METTL16: variants seen among roughly 807,000 people sequenced by gnomAD.
METTL16 encodes the protein RNA N(6)-adenosine-methyltransferase METTL16.
Under a neutral mutation model 57.9 loss-of-function variants are expected in METTL16, and 19 were observed. That is an observed-to-expected ratio of 0.33 (90% CI 0.23 to 0.48). METTL16 has a LOEUF of 0.48. Among genes scored for constraint, METTL16 ranks in the 20% least tolerant of loss-of-function variants. The pLI is 0.99. For synonymous variants in METTL16, 246 were observed against 255.6 expected (o/e 0.96, Z 0.36); for missense variants, 434 against 691.5 (o/e 0.63, Z 4.18).
intron 3 of METTL16, among the ~76,000 whole-genome samples, chr17:2,474,904 C>G (rs1477308290): frequency 7.5e-6 from 1 of 133,278 alleles, no homozygotes; most frequent in Non-Finnish European, 1.5e-5. Flanking sequence ...TAGGTGACAT[C>G]AAGTCTCTCT....
intron 2 of METTL16, among the ~76,000 whole-genome samples, chr17:2,491,631 G>A (rs544533272): frequency 6.6e-6 from 1 of 151,272 alleles, no homozygotes; most frequent in Non-Finnish European, 1.5e-5. Context: ...ATGTCAGCAC[G>A]TTGGGAGGCC....
Position 2,418,436 on chromosome 17 carries a change from C to T in METTL16, c.*1534G>A, listed in dbSNP as rs1567877128. 1 of 152,176 alleles carries T rather than the reference C, an allele frequency of 6.6e-6. No homozygotes were observed. The highest frequency in any genetic ancestry group is 1.5e-5 in the Non-Finnish European group (1 of 68,064). 9.4% of individuals were successfully genotyped at this position (152,176 alleles called of 1,614,324 possible). ...TGAAATCCCATCTCTACCAAAAACACAAAATTAGCCAGGCGTGGTGGCGCG... is the reference window on the plus strand; with the variant it reads ...TGAAATCCCATCTCTACCAAAAACATAAAATTAGCCAGGCGTGGTGGCGCG... On this transcript the variant is annotated 3_prime_UTR_variant, in exon 10 of 10. Transcript: ENST00000263092.
At chr17:2,500,755 C>T (rs1244862842) in intron 2 of METTL16, among the ~76,000 whole-genome samples, 1 of 152,154 alleles carries the variant, frequency 6.6e-6, no homozygotes, top group African/African-American at 2.4e-5. Flanking sequence ...AAAGACACAT[C>T]AGTCATTCCC....
chr17:2,500,578 G>C (rs570773041), intron 2 of METTL16, among the ~76,000 whole-genome samples: 1 of 151,936 alleles, frequency 6.6e-6, no homozygotes, highest in African/African-American at 2.4e-5. Context: ...CACCGCGCCC[G>C]GCCACTATTA....
At chr17:2,422,344 A>T (rs2066772537) in intron 8 of METTL16, among the ~76,000 whole-genome samples, 1 of 151,204 alleles carries the variant, frequency 6.6e-6, no homozygotes, top group Non-Finnish European at 1.5e-5. Flanking sequence ...TTAGAAAAAA[A>T]AAAAAACAAA....
chr17:2,440,876 G>T (rs1402637070), intron 7 of METTL16, among the ~76,000 whole-genome samples: 4 of 149,444 alleles, frequency 2.7e-5, no homozygotes, highest in African/African-American at 9.9e-5. Flanking sequence ...GGAGGCTGAG[G>T]TAGGAGGATG....
chr17:2,494,803 T>A (rs4490040), intron 2 of METTL16, among the ~76,000 whole-genome samples: 87,780 of 151,532 alleles, frequency 0.58, 28,412 homozygotes, highest in Non-Finnish European at 0.74. Context: ...ATCGAGACCA[T>A]CCTGGCCAAC....
chr17:2,508,821 T>C (rs2151583073), intron 1 of METTL16, among the ~76,000 whole-genome samples: 2 of 152,296 alleles, frequency 1.3e-5, no homozygotes, highest in South Asian at 4.1e-4. Flanking sequence ...AAGGCAGGCA[T>C]AATCCAGGCC....
chr17:2,451,674 C>T (rs1043271651), intron 6 of METTL16, among the ~76,000 whole-genome samples: 2 of 150,634 alleles, frequency 1.3e-5, no homozygotes, highest in Non-Finnish European at 3.0e-5. Flanking sequence ...GATTCATTAA[C>T]CAGGAATTTA....
chr17:2,503,942 T>C (rs2067510870), intron 1 of METTL16, among the ~76,000 whole-genome samples: 1 of 151,866 alleles, frequency 6.6e-6, no homozygotes, highest in East Asian at 1.9e-4. Context: ...GATATACCCA[T>C]ACAATACATA....
intron 2 of METTL16, among the ~76,000 whole-genome samples, chr17:2,492,080 G>A (rs369919913): frequency 1.9e-4 from 28 of 151,048 alleles, no homozygotes; most frequent in Admixed American, 3.3e-4. Context: ...GCGTGGTGGC[G>A]GGTGCCTGTA....
At chr17:2,484,945 C>A (rs541485759) in intron 2 of METTL16, among the ~76,000 whole-genome samples, 155 of 152,252 alleles carry the variant, frequency 1.0e-3, no homozygotes, top group Non-Finnish European at 1.5e-3. Context: ...TAACTGCAAG[C>A]CTTATACAAT....
At chr17:2,507,962 C>G (rs1475780044) in intron 1 of METTL16, among the ~76,000 whole-genome samples, 1 of 152,164 alleles carries the variant, frequency 6.6e-6, no homozygotes, top group Non-Finnish European at 1.5e-5. Context: ...ACTCCCTAAT[C>G]TCAAGTACCC....
intron 8 of METTL16, chr17:2,424,304 G>A (rs542094318): frequency 5.3e-5 from 8 of 150,786 alleles, no homozygotes; most frequent in Admixed American, 2.0e-4. Context: ...TAGTAGAGAC[G>A]GGGTTTCACC....
chr17:2,496,430 C>T (rs184671428), intron 2 of METTL16, among the ~76,000 whole-genome samples: 1 of 151,646 alleles, frequency 6.6e-6, no homozygotes, highest in Admixed American at 6.6e-5. Context: ...TCCCAAGTAG[C>T]TGGGATTACA....
chr17:2,498,934 C>T (rs1245611626), intron 2 of METTL16, among the ~76,000 whole-genome samples: 1 of 151,624 alleles, frequency 6.6e-6, no homozygotes, highest in African/African-American at 2.4e-5. Flanking sequence ...CTTCAGTTCC[C>T]CTCTGCCCAG....
chr17:2,469,681 C>T (rs1469250316), intron 4 of METTL16, among the ~76,000 whole-genome samples: 3 of 152,120 alleles, frequency 2.0e-5, no homozygotes, highest in Non-Finnish European at 2.9e-5. Flanking sequence ...CCCATCACCA[C>T]GCCTGGCTAA....
intron 2 of METTL16, among the ~76,000 whole-genome samples, chr17:2,500,152 T>C (rs908656191): frequency 4.6e-5 from 7 of 152,156 alleles, no homozygotes; most frequent in Non-Finnish European, 8.8e-5. Context: ...TTTTAAGGGT[T>C]ATCTTGGCTT....
intron 2 of METTL16, among the ~76,000 whole-genome samples, chr17:2,500,564 G>T (rs2067480251): frequency 6.6e-6 from 1 of 152,086 alleles, no homozygotes; most frequent in Non-Finnish European, 1.5e-5. Context: ...TTCCAGGCGT[G>T]AGCCACCGCG....
Sources: gnomAD v4.1 joint callset for allele counts (sites outside exome capture counted in the v4.1 genomes callset) on GRCh38, gnomAD v4.1.1 for gene constraint, MANE v1.5 for transcripts, NCBI Gene and HGNC (gene_info 2026-07-23, HGNC 2026-07-21) for gene names.